The following MGA variants were observed in gnomAD, a reference collection of about 807,000 sequenced individuals.
MGA encodes MAX gene-associated protein.
A neutral mutation model predicts 261.1 loss-of-function variants in MGA; 40 were observed. That is an observed-to-expected ratio of 0.15 (90% CI 0.12 to 0.20). MGA has a LOEUF of 0.20. MGA is among the 10% of genes least tolerant of loss of function. The pLI is 1.00. For missense variants in MGA, 3,397 were observed against 3,630.5 expected (o/e 0.94, Z 1.65); for synonymous variants, 1,302 against 1,290.6 (o/e 1.01, Z -0.19).
chr15:41,760,308 A>G lies in MGA; in HGVS notation c.7192-15A>G, dbSNP rs1420608629. ...ACATGTTCAAGATGTTTAGGAGGCA[A>G]TCTTGTTTGGACAGGCTCCACCAAT... On this transcript the variant is annotated splice_polypyrimidine_tract_variant and intron_variant, in intron 19 of 23. Coordinates refer to ENST00000219905, the MANE Select transcript of MGA (RefSeq NM_001164273.2). 1.9e-6 allele frequency: 3 copies of G among 1,613,524 alleles called. No individual in the cohort carries two copies. Among genetic ancestry groups the G allele is most frequent in the Non-Finnish European group, 2.5e-6 (3 of 1,179,514 alleles).
At chr15:41,690,117 A>T (rs536663109) in intron 2 of MGA, among the ~76,000 whole-genome samples, 1 of 152,262 alleles carries the variant, frequency 6.6e-6, no homozygotes, top group African/African-American at 2.4e-5. Context: ...AGCTCCACCC[A>T]ATCCAACACA....
At chr15:41,715,655 A>G (rs1007689328) in intron 9 of MGA, among the ~76,000 whole-genome samples, 2 of 152,128 alleles carry the variant, frequency 1.3e-5, no homozygotes, top group Non-Finnish European at 2.9e-5. Flanking sequence ...GTCACCTGTA[A>G]TATAATAAAT....
chr15:41,699,197 TTTTC>T (rs1200419001), intron 5 of MGA, 38 bp downstream of exon 5: 12 of 1,346,430 alleles, frequency 8.9e-6, no homozygotes, highest in Non-Finnish European at 1.2e-5. Flanking sequence ...TGTTTTCTTT[TTTTC>T]TTTCTTCCCT....
chr15:41,743,176 A>C lies in MGA; in HGVS notation c.5212+4A>C, dbSNP rs1363128130. Reference sequence around the variant, plus strand: ...CCACCAGTGAGCCAGAGACCAGGTAAGGCCTAGATGTTACTAGCTGCTTTA... The same window carrying C: ...CCACCAGTGAGCCAGAGACCAGGTACGGCCTAGATGTTACTAGCTGCTTTA... On this transcript the variant is annotated splice_donor_region_variant and intron_variant, in intron 15 of 23. Transcript: ENST00000219905. 1 of 1,603,566 alleles carries C rather than the reference A, an allele frequency of 6.2e-7. No individual in the cohort carries two copies. Among genetic ancestry groups the C allele is most frequent in the Non-Finnish European group, 8.5e-7 (1 of 1,174,070 alleles).
intron 2 of MGA, among the ~76,000 whole-genome samples, chr15:41,682,984 G>T (rs1009386180): frequency 4.6e-5 from 7 of 152,084 alleles, no homozygotes; most frequent in African/African-American, 1.4e-4. Context: ...CTTCTTACGT[G>T]TTGGGAATTG....
chr15:41,648,453 T>C (rs1172165228), intron 1 of MGA, among the ~76,000 whole-genome samples: 1 of 152,226 alleles, frequency 6.6e-6, no homozygotes, highest in Admixed American at 6.5e-5. Flanking sequence ...TGAATAATCA[T>C]AAGTAAATAT....
intron 2 of MGA, among the ~76,000 whole-genome samples, chr15:41,682,751 G>A (rs963951264): frequency 3.9e-5 from 6 of 152,118 alleles, no homozygotes; most frequent in East Asian, 1.9e-4. Context: ...AAAGTGCTGG[G>A]ATTACAAGTG....
At chr15:41,711,429 A>G in intron 8 of MGA, 80 bp downstream of exon 8, 3 of 1,390,494 alleles carry the variant, frequency 2.2e-6, no homozygotes, top group Non-Finnish European at 2.9e-6. Context: ...TGGGAATGGT[A>G]CTTTTTGGCA....
At chr15:41,751,556 T>A (rs532997809) in intron 17 of MGA, 2 of 152,208 alleles carry the variant, frequency 1.3e-5, no homozygotes, top group African/African-American at 4.8e-5. Context: ...AAACCCCGTG[T>A]CTACTAAAAA....
rs75233124 is a variant in MGA, at chr15:41,631,592, C to T, written c.-68+10294C>T. On this transcript the variant is annotated intron_variant, in intron 1 of 8. Transcript: ENST00000566718. ...ATCCTTTACAAGTGTGACAGAGGCA[C>T]ACTTTCTTTTTTTTGCTATGTGTAG... 7.3e-3 allele frequency among the ~76,000 whole-genome samples: 1,114 copies of T among 152,272 alleles called. 11 individuals are homozygous for T. The highest frequency in any genetic ancestry group is 0.026 in the African/African-American group (1,075 of 41,562).
Position 41,764,965 on chromosome 15 carries a change from A to G in MGA, c.7824A>G (p.Lys2608=). 1 of 1,614,024 alleles carries G rather than the reference A, an allele frequency of 6.2e-7. No individual in the cohort carries two copies. The highest frequency in any genetic ancestry group is 8.5e-7 in the Non-Finnish European group (1 of 1,179,876). The change falls in exon 23 of 24, where the codon AAA becomes AAG. Residue 2608 remains lysine, a synonymous_variant. Coordinates refer to ENST00000219905, the MANE Select transcript of MGA (RefSeq NM_001164273.2). ...CGCAAGGGCAATTGCTCACCCTAAA[A>G]GGTCCCCTATTCTCAGGACCAGTGG...
chr15:41,753,377 CTTT>C (rs35896458), intron 17 of MGA, among the ~76,000 whole-genome samples: 2 of 143,774 alleles, frequency 1.4e-5, no homozygotes, highest in African/African-American at 2.6e-5. Flanking sequence ...ATAGTAAACA[CTTT>C]TTTTTTTTTT....
At chr15:41,751,881 T>A (rs949180417) in intron 17 of MGA, 2 of 152,250 alleles carry the variant, frequency 1.3e-5, no homozygotes, top group Admixed American at 1.3e-4. Flanking sequence ...GACAGCCGTC[T>A]GCACTGATTG....
rs749162903 is a variant in MGA at position 41,711,127 on chromosome 15, T to C, written c.2862T>C (p.Phe954=). 1.4e-5 allele frequency: 23 copies of C among 1,613,946 alleles called. No homozygotes were observed. The East Asian group carries it at 4.0e-4, about 28-fold the overall frequency. Residue 954 remains phenylalanine (F), a synonymous_variant, in exon 8 of 24, where the codon TTT becomes TTC. Coordinates refer to ENST00000219905, the MANE Select transcript of MGA (RefSeq NM_001164273.2). ...TCTCAGAAAATCAGGCGAATAACTT[T>C]GTTGTGCCAACTTTGGATGAAAATA... is the stretch of plus-strand genomic sequence containing the variant.
chr15:41,754,715 T>G, intron 18 of MGA, 148 bp downstream of exon 18: 1 of 910,180 alleles, frequency 1.1e-6, no homozygotes, highest in Non-Finnish European at 1.5e-6. Flanking sequence ...GGAGAGGAAC[T>G]AGAATTTGGG....
chr15:41,669,858 G>C lies in MGA; in HGVS notation c.964G>C (p.Glu322Gln). Reference sequence around the variant, plus strand: ...TCATGAAACATCAGGCAAGGGTTTGGAGAAGACTTCCCTTAATATAAAACG... The same window carrying C: ...TCATGAAACATCAGGCAAGGGTTTGCAGAAGACTTCCCTTAATATAAAACG... Residue 322 changes from glutamate (E) to glutamine (Q), a missense_variant, in exon 2 of 24, where the codon GAG becomes CAG. Transcript: ENST00000219905. 1 of 1,613,998 alleles carries C rather than the reference G, an allele frequency of 6.2e-7. No homozygotes were observed. Among genetic ancestry groups the C allele is most frequent in the Non-Finnish European group, 8.5e-7 (1 of 1,179,886 alleles).
intron 1 of MGA, among the ~76,000 whole-genome samples, chr15:41,632,315 T>C (rs2056606423): frequency 6.6e-6 from 1 of 152,174 alleles, no homozygotes; most frequent in South Asian, 2.1e-4. Flanking sequence ...GATAACAGAA[T>C]GTCAGGTTAC....
intron 1 of MGA, among the ~76,000 whole-genome samples, chr15:41,631,626 T>TCCG (rs1463401047): frequency 6.6e-5 from 10 of 152,170 alleles, no homozygotes; most frequent in Admixed American, 2.0e-4. Context: ...AGGTTCCTCC[T>TCCG]CCGCATACTT....
rs1346027294 is a variant in MGA, at chr15:41,696,170, A to G, written c.1160A>G (p.Asp387Gly). Residue 387 changes from aspartate (D) to glycine (G), a missense_variant, in exon 3 of 24, where the codon GAT (aspartate) becomes GGT (glycine). Asp to Gly is a moderately conservative substitution (Grantham distance 94). Transcript: ENST00000219905. ...GTTGTTATTAAAGAGGAACCTCTAG[A>G]TGATTATGACTACGAACTTGGTGAG... The G allele has an allele frequency of 1.6e-5, 26 of 1,613,862 alleles. No homozygotes were observed. The highest frequency in any genetic ancestry group is 2.1e-5 in the Non-Finnish European group (25 of 1,179,894).
Sources: gnomAD v4.1 joint callset for allele counts (sites outside exome capture counted in the v4.1 genomes callset) on GRCh38, gnomAD v4.1.1 for gene constraint, MANE v1.5 for transcripts, NCBI Gene and HGNC (gene_info 2026-07-23, HGNC 2026-07-21) for gene names.